The following KCNK4 variants were observed in gnomAD, a reference collection of about 807,000 sequenced individuals.
KCNK4 encodes potassium channel subfamily K member 4.
Under a neutral mutation model 28.8 loss-of-function variants are expected in KCNK4, and 22 were observed. The ratio of observed to expected loss-of-function variants is 0.76; its 90% CI spans 0.55 to 1.09. The LOEUF is 1.09. KCNK4 is among the 50% of genes least tolerant of loss of function. The probability of loss-of-function intolerance (pLI) is 0.00; values close to 1 mark genes in which losing one functional copy is unlikely to be tolerated. For missense variants in KCNK4, 483 were observed against 546.3 expected (o/e 0.88, Z 1.15); for synonymous variants, 263 against 252.9 (o/e 1.04, Z -0.38).
Position 64,297,568 on chromosome 11 carries a change from C to T in KCNK4, c.576C>T (p.Cys192=). 6.2e-7 allele frequency: 1 copy of T among 1,614,182 alleles called. No individual in the cohort carries two copies. Among genetic ancestry groups the T allele is most frequent in the Non-Finnish European group, 8.5e-7 (1 of 1,180,026 alleles). The change falls in exon 5 of 7, where the codon TGC becomes TGT. Residue 192 remains cysteine, a synonymous_variant. Transcript: ENST00000422670. ...TCCTCACGCCCACGTTCGTGTTCTG[C>T]TATATGGAGGACTGGAGCAAGCTGG... ...LFVLTPTFVF[C]YMEDWSKLEA...
Position 64,299,197 on chromosome 11 carries a change from C to A in KCNK4, c.802-149C>A, listed in dbSNP as rs185287351. The A allele has an allele frequency of 6.7e-4, 452 of 679,534 alleles. 3 individuals are homozygous for A. In the Middle Eastern group the frequency reaches 7.7e-3, roughly 12 times the overall value. The allele number at this position is 679,534 out of a possible 1,614,324, so 42.1% of individuals were successfully genotyped here. A position where few individuals can be genotyped will look rare whatever the true frequency, so the allele number is the denominator to read the frequency against. On this transcript the variant is annotated intron_variant, in intron 6 of 6. Coordinates refer to ENST00000422670, the MANE Select transcript of KCNK4 (RefSeq NM_033310.3). Reference sequence around the variant, plus strand: ...CTGCTGGGAGCACCCAGTGGAGGAGCCCTTCCATCCTTGGGGCTGGCTGAG... The same window carrying A: ...CTGCTGGGAGCACCCAGTGGAGGAGACCTTCCATCCTTGGGGCTGGCTGAG...
intron 6 of KCNK4, 92 bp from the exon 7 acceptor site, chr11:64,299,254 G>T (rs1002963449): frequency 8.2e-6 from 10 of 1,219,244 alleles, no homozygotes; most frequent in East Asian, 2.9e-5. Context: ...GAGGGTTGGG[G>T]TTTGATCCCT....
At chr11:64,297,029 G>A (rs1161587661) in intron 3 of KCNK4, 28 bp downstream of exon 3, 4 of 1,576,582 alleles carry the variant, frequency 2.5e-6, no homozygotes, top group Admixed American at 1.8e-5. Context: ...CATGTGGGGG[G>A]CGGCAAGGAG....
chr11:64,297,174 T>C lies in KCNK4; in HGVS notation c.369T>C (p.Tyr123=), dbSNP rs1296919683. ...TDAGRLFCIF[Y]ALVGIPLFGI... ...CCGGGCGCCTCTTCTGCATCTTTTA[T>C]GCGCTGGTGGGGATTCCGCTGTTTG... Residue 123 remains tyrosine, a synonymous_variant, in exon 4 of 7, where the codon TAT becomes TAC. Transcript: ENST00000422670. 6.2e-7 allele frequency: 1 copy of C among 1,614,164 alleles called. No homozygotes were observed. Among genetic ancestry groups the C allele is most frequent in the Admixed American group, 1.7e-5 (1 of 60,022 alleles).
At position 64,299,354 on chromosome 11, in the gene KCNK4, C is replaced by T; in HGVS notation, c.810C>T (p.Gly270=). ...VSRRTRAEMG[G]LTAQAASWTG... ...TTTCCCTCTCCGTGCAGATGGGCGGCCTCACGGCTCAGGCTGCCAGCTGGA... is the reference window on the plus strand; with the variant it reads ...TTTCCCTCTCCGTGCAGATGGGCGGTCTCACGGCTCAGGCTGCCAGCTGGA... Residue 270 remains glycine (G), a synonymous_variant, in exon 7 of 7, where the codon GGC becomes GGT. Coordinates refer to ENST00000422670, the MANE Select transcript of KCNK4 (RefSeq NM_033310.3). 2 of 1,557,500 alleles carry T rather than the reference C, an allele frequency of 1.3e-6. No individual in the cohort carries two copies.
In KCNK4 at chr11:64,299,866, T is replaced by G; in HGVS notation, c.*140T>G. The G allele has an allele frequency of 1.3e-6, 2 of 1,486,216 alleles. No homozygotes were observed. Among genetic ancestry groups the G allele is most frequent in the Non-Finnish European group, 1.8e-6 (2 of 1,103,564 alleles). 92.1% of individuals were successfully genotyped at this position (1,486,216 alleles called of 1,614,324 possible). ...TACAGTTGCCTCTCCGCCTCCTCCC[T>G]GGCCCCGGCCCTTCCCTCACTTCCA... is the stretch of plus-strand genomic sequence containing the variant. On this transcript the variant is annotated 3_prime_UTR_variant, in exon 7 of 7. Coordinates refer to ENST00000422670, the MANE Select transcript of KCNK4 (RefSeq NM_033310.3).
chr11:64,299,639 G>C lies in KCNK4; in HGVS notation c.1095G>C (p.Pro365=). ...GCGGCTGCCCGCTGCCCCGCGCGCC[G>C]AGAGGTCGCCGCCGCCCAAATCCCC... is the stretch of plus-strand genomic sequence containing the variant. ...SERGCPLPRA[P]RGRRRPNPPR... is the part of the protein sequence containing the mutation. Residue 365 remains proline, a synonymous_variant, in exon 7 of 7, where the codon CCG becomes CCC. Transcript: ENST00000422670. The C allele has an allele frequency of 6.2e-7, 1 of 1,607,028 alleles. No homozygotes were observed. Among genetic ancestry groups the C allele is most frequent in the Non-Finnish European group, 8.5e-7 (1 of 1,177,506 alleles).
chr11:64,297,135 C>A lies in KCNK4; in HGVS notation c.330C>A (p.Ala110=), dbSNP rs1201185556. ...IITTIGYGNV[A]LRTDAGRLFC... is the part of the protein sequence containing the mutation. ...TCTGCCCAGGCTATGGCAATGTGGCCCTGCGCACAGATGCCGGGCGCCTCT... is the reference window on the plus strand; with the variant it reads ...TCTGCCCAGGCTATGGCAATGTGGCACTGCGCACAGATGCCGGGCGCCTCT... Residue 110 remains alanine, a synonymous_variant, in exon 4 of 7, where the codon GCC becomes GCA. Transcript: ENST00000422670. 6.2e-7 allele frequency: 1 copy of A among 1,614,144 alleles called. No individual in the cohort carries two copies. Among genetic ancestry groups the A allele is most frequent in the Non-Finnish European group, 8.5e-7 (1 of 1,180,022 alleles).
chr11:64,297,714 G>A, intron 5 of KCNK4, 61 bp downstream of exon 5: 1 of 1,529,072 alleles, frequency 6.5e-7, no homozygotes, highest in Non-Finnish European at 8.9e-7. Context: ...CAGGGGCTCT[G>A]CACTCCTGCC....
rs1367185087 is a variant in KCNK4 at position 64,297,459 on chromosome 11, T to C, written c.475-8T>C. 8.7e-6 allele frequency: 14 copies of C among 1,613,732 alleles called. No individual in the cohort carries two copies. The Admixed American group carries it at 2.3e-4, about 27-fold the overall frequency. ...CTCCTGGGTCCTGCCTACTGCCCCA[T>C]CCCGCAGAAGTGGCACGTGCCACCG... On this transcript the variant is annotated splice_polypyrimidine_tract_variant and splice_region_variant and intron_variant, in intron 4 of 6. Coordinates refer to ENST00000422670, the MANE Select transcript of KCNK4 (RefSeq NM_033310.3).
rs544412432 is a variant in KCNK4 at position 64,297,570 on chromosome 11, A to G, written c.578A>G (p.Tyr193Cys). 6.2e-7 allele frequency: 1 copy of G among 1,614,166 alleles called. No individual in the cohort carries two copies. The highest frequency in any genetic ancestry group is 2.2e-5 in the East Asian group (1 of 44,876). ...FVLTPTFVFC[Y>C]MEDWSKLEAI... is the part of the protein sequence containing the mutation. The stretch of plus-strand genomic sequence containing the variant: ...CTCACGCCCACGTTCGTGTTCTGCT[A>G]TATGGAGGACTGGAGCAAGCTGGAG... The change falls in exon 5 of 7, where the codon TAT becomes TGT. Residue 193 changes from tyrosine (Y) to cysteine (C), a missense_variant. By Grantham distance (194) the Tyr-to-Cys change is radical (BLOSUM62 -2). Transcript: ENST00000422670.
At chr11:64,296,314 C>T (rs1488609694) in intron 2 of KCNK4, among the ~76,000 whole-genome samples, 1 of 152,032 alleles carries the variant, frequency 6.6e-6, no homozygotes, top group African/African-American at 2.4e-5. Context: ...GAGAAAGTCC[C>T]TAGCTTTCTT....
intron 2 of KCNK4, among the ~76,000 whole-genome samples, chr11:64,296,325 G>C (rs1297456895): frequency 6.6e-6 from 1 of 152,052 alleles, no homozygotes; most frequent in Non-Finnish European, 1.5e-5. Context: ...TAGCTTTCTT[G>C]AGATTTTCTA....
chr11:64,293,002 C>T lies in KCNK4; in HGVS notation c.-17C>T, dbSNP rs1002285930. 3.3e-5 allele frequency: 51 copies of T among 1,534,040 alleles called. No homozygotes were observed. In the Admixed American group the frequency reaches 4.5e-4, roughly 13 times the overall value. ...CTCCAGGCGGGCAGTGGAGCTGGCC[C>T]GGCGCCTGGGCGCGCCATGCGCAGC... On this transcript the variant is annotated 5_prime_UTR_variant, in exon 2 of 7. Coordinates refer to ENST00000422670, the MANE Select transcript of KCNK4 (RefSeq NM_033310.3).
chr11:64,297,618 C>T lies in KCNK4; in HGVS notation c.626C>T (p.Thr209Met), dbSNP rs577862635. ...GAGGCCATCTACTTTGTCATAGTGA[C>T]GCTTACCACCGTGGGCTTTGGCGAC... ...KLEAIYFVIV[T>M]LTTVGFGDYV... is the part of the protein sequence containing the mutation. Residue 209 changes from threonine (T) to methionine (M), a missense_variant, in exon 5 of 7, where the codon ACG (threonine) becomes ATG (methionine). Transcript: ENST00000422670. The T allele has an allele frequency of 1.1e-5, 17 of 1,613,240 alleles. No individual in the cohort carries two copies. The highest frequency in any genetic ancestry group is 7.7e-5 in the South Asian group (7 of 91,070).
In KCNK4 at chr11:64,299,938, G is replaced by A. The variant is rs1447222391; in HGVS notation, c.*212G>A. On this transcript the variant is annotated 3_prime_UTR_variant, in exon 7 of 7. Transcript: ENST00000422670. ...GGCTTTCTGTGTCGCTGCCCCGGGC[G>A]GGTGTATCCCTCACAGCACCTCACG... is the stretch of plus-strand genomic sequence containing the variant. The A allele has an allele frequency of 6.7e-6, 6 of 889,098 alleles. No individual in the cohort carries two copies. The East Asian group carries it at 1.6e-4, about 24-fold the overall frequency. The allele number at this position is 889,098 out of a possible 1,614,324, so 55.1% of individuals were successfully genotyped here. A position where few individuals can be genotyped will look rare whatever the true frequency, so the allele number is the denominator to read the frequency against.
chr11:64,297,757 C>G lies in KCNK4; in HGVS notation c.661+104C>G. 7 of 1,202,958 alleles carry G rather than the reference C, an allele frequency of 5.8e-6. No homozygotes were observed. In the Middle Eastern group the frequency reaches 8.1e-4, roughly 139 times the overall value. 74.5% of individuals were successfully genotyped at this position (1,202,958 alleles called of 1,614,324 possible). On this transcript the variant is annotated intron_variant, in intron 5 of 6. Transcript: ENST00000422670. Reference sequence around the variant, plus strand: ...CCAGATCCCATGTGGTTGCTCTAACCCCTGCATCCATCATGGAATGCACCA... The same window carrying G: ...CCAGATCCCATGTGGTTGCTCTAACGCCTGCATCCATCATGGAATGCACCA...
At chr11:64,298,794 G>A (rs1159094891) in intron 6 of KCNK4, among the ~76,000 whole-genome samples, 1 of 151,932 alleles carries the variant, frequency 6.6e-6, no homozygotes, top group East Asian at 1.9e-4. Flanking sequence ...TGTAATCCGA[G>A]CATTTTGGGA....
At position 64,292,946 on chromosome 11, in the gene KCNK4, G is replaced by A. The variant is rs1175500521; in HGVS notation, c.-73G>A. 1.1e-5 allele frequency: 16 copies of A among 1,470,480 alleles called. No homozygotes were observed. The highest frequency in any genetic ancestry group is 2.5e-5 in the East Asian group (1 of 39,766). 91.1% of individuals were successfully genotyped at this position (1,470,480 alleles called of 1,614,324 possible). The stretch of plus-strand genomic sequence containing the variant: ...CATCCCTGGTTTTGCCCGCAGTGAC[G>A]ACAGCTCCCCAGGAGCCCCCCGCCC... On this transcript the variant is annotated 5_prime_UTR_variant, in exon 2 of 7. Transcript: ENST00000422670.
Sources: gnomAD v4.1 joint callset for allele counts (sites outside exome capture counted in the v4.1 genomes callset) on GRCh38, gnomAD v4.1.1 for gene constraint, MANE v1.5 for transcripts, NCBI Gene and HGNC (gene_info 2026-07-23, HGNC 2026-07-21) for gene names.